Variants in PHLDB1 observed in about 807,000 individuals in gnomAD.
PHLDB1 encodes the protein pleckstrin homology like domain family B member 1.
PHLDB1 carries 65 observed loss-of-function variants against 139.3 expected under a neutral mutation model. The ratio of observed to expected loss-of-function variants is 0.47; its 90% CI spans 0.38 to 0.57. PHLDB1 has a LOEUF of 0.57. Ranked by LOEUF, PHLDB1 falls within the 20% of genes least tolerant of loss-of-function variation. PHLDB1 has a pLI of 0.00. For missense variants in PHLDB1, 1,624 were observed against 1,839.7 expected (o/e 0.88, Z 2.14); for synonymous variants, 679 against 734.5 (o/e 0.92, Z 1.22).
In PHLDB1 at chr11:118,644,105, C is replaced by A. The variant is rs1480275342; in HGVS notation, c.3052C>A (p.Leu1018Ile). 8.7e-6 allele frequency: 14 copies of A among 1,613,872 alleles called. No homozygotes were observed. Among genetic ancestry groups the A allele is most frequent in the Non-Finnish European group, 1.2e-5 (14 of 1,179,974 alleles). The stretch of plus-strand genomic sequence containing the variant: ...ACTCACCCAGAATGGCACGGGCAGC[C>A]TTCCTCGCAACCTGGCAGCCACACT... The part of the protein sequence containing the change: ...ALLTQNGTGS[L>I]PRNLAATLQD... Residue 1018 changes from leucine (L) to isoleucine (I), a missense_variant, in exon 15 of 23, where the codon CTT (leucine) becomes ATT (isoleucine). Transcript: ENST00000600882.
chr11:118,618,920 G>C (rs949523807), intron 4 of PHLDB1, among the ~76,000 whole-genome samples: 1 of 151,878 alleles, frequency 6.6e-6, no homozygotes, highest in Non-Finnish European at 1.5e-5. Flanking sequence ...CCAGGGGAAA[G>C]GGGAGGCAGG....
chr11:118,655,504 C>G (rs1300027478), intron 20 of PHLDB1, 101 bp from the exon 21 acceptor site: 2 of 743,100 alleles, frequency 2.7e-6, no homozygotes, highest in African/African-American at 3.4e-5. Flanking sequence ...GATCTTCACC[C>G]CATTTCCCAG....
chr11:118,644,234 G>T, intron 15 of PHLDB1, 60 bp downstream of exon 15: 2 of 1,153,510 alleles, frequency 1.7e-6, no homozygotes, highest in Non-Finnish European at 2.6e-6. Flanking sequence ...TAGTTGCCAT[G>T]CCTCCTCTAT....
intron 4 of PHLDB1, among the ~76,000 whole-genome samples, chr11:118,619,467 C>T (rs1337377981): frequency 6.6e-6 from 1 of 152,140 alleles, no homozygotes; most frequent in Non-Finnish European, 1.5e-5. Flanking sequence ...AGCCTTCAAC[C>T]TTTTTCTGTT....
intron 18 of PHLDB1, among the ~76,000 whole-genome samples, chr11:118,648,955 G>A (rs1234411325): frequency 1.3e-5 from 2 of 152,124 alleles, no homozygotes; most frequent in Non-Finnish European, 2.9e-5. Flanking sequence ...TAAATCCTAA[G>A]GGATAGGTCA....
In PHLDB1 at chr11:118,632,923, T is replaced by A. The variant is rs535877167; in HGVS notation, c.2379+627T>A. On this transcript the variant is annotated intron_variant, in intron 9 of 22. Coordinates refer to ENST00000600882, the MANE Select transcript of PHLDB1 (RefSeq NM_001144758.3). The surrounding 1 kb of genome is among the most constrained non-coding windows in gnomAD (Gnocchi z 5.9). Reference sequence around the variant, plus strand: ...ACAGTATTTTTCCAATAATTTAATTTTCCTTCTGGATTTTTTGAGTTTCTT... The same window carrying A: ...ACAGTATTTTTCCAATAATTTAATTATCCTTCTGGATTTTTTGAGTTTCTT... The A allele has an allele frequency of 4.3e-4, 344 of 798,002 alleles. No individual in the cohort carries two copies. The African/African-American group carries it at 6.2e-3, about 14-fold the overall frequency. 49.4% of individuals were successfully genotyped at this position (798,002 alleles called of 1,614,324 possible). A position where few individuals can be genotyped will look rare whatever the true frequency, so the allele number is the denominator to read the frequency against.
chr11:118,651,405 C>A, intron 20 of PHLDB1: 1 of 149,280 alleles, frequency 6.7e-6, no homozygotes, highest in Admixed American at 6.7e-5. Flanking sequence ...ACGAGAATTG[C>A]TTGAACCCAA....
At chr11:118,618,211 C>T (rs1555091373) in intron 4 of PHLDB1, among the ~76,000 whole-genome samples, 1 of 152,160 alleles carries the variant, frequency 6.6e-6, no homozygotes, top group African/African-American at 2.4e-5. Flanking sequence ...TTTCCCTCCC[C>T]AACCCCCATA....
chr11:118,610,643 C>A lies in PHLDB1; in HGVS notation c.-22+2944C>A, dbSNP rs1264207196. ...CTCTCGTCCTGGGACTCCGTGGGAG[C>A]CCGGGAGCTGTGTCAGTGCCCGTTG... On this transcript the variant is annotated intron_variant, in intron 1 of 22. Transcript: ENST00000600882. This position sits in a 1 kb window ranked among gnomAD's most constrained non-coding sequence, Gnocchi z 8.7. 5 of 210,448 alleles carry A rather than the reference C, an allele frequency of 2.4e-5. No individual in the cohort carries two copies. Among genetic ancestry groups the A allele is most frequent in the Non-Finnish European group, 4.1e-5 (5 of 121,134 alleles). 13.0% of individuals were successfully genotyped at this position (210,448 alleles called of 1,614,324 possible). A position where few individuals can be genotyped will look rare whatever the true frequency, so the allele number is the denominator to read the frequency against.
chr11:118,635,304 C>T, intron 9 of PHLDB1, 89 bp from the exon 10 acceptor site: 1 of 1,418,240 alleles, frequency 7.1e-7, no homozygotes, highest in Non-Finnish European at 9.5e-7. Context: ...GGTCCAGCCC[C>T]ATACAACGCA....
chr11:118,615,982 C>A, intron 3 of PHLDB1, 59 bp from the exon 4 acceptor site: 2 of 1,434,556 alleles, frequency 1.4e-6, no homozygotes, highest in South Asian at 2.5e-5. Flanking sequence ...CCTCCTTGCC[C>A]TGTCACTGCC....
chr11:118,623,248 C>T (rs1943172253), intron 4 of PHLDB1, among the ~76,000 whole-genome samples: 1 of 151,988 alleles, frequency 6.6e-6, no homozygotes, highest in Non-Finnish European at 1.5e-5. Flanking sequence ...GGCCGGGGGC[C>T]AGGGGTGTGG....
At position 118,650,275 on chromosome 11, in the gene PHLDB1, T is replaced by A; in HGVS notation, c.3771+82T>A. On this transcript the variant is annotated intron_variant, in intron 19 of 22. Transcript: ENST00000600882. The surrounding 1 kb of genome is among the most constrained non-coding windows in gnomAD (Gnocchi z 4.7). ...GGCACCTCCTGGGTCGTTGGAATAG[T>A]GGCGTCAGTCTCTACCCTCACCTAA... 1 of 1,134,426 alleles carries A rather than the reference T, an allele frequency of 8.8e-7. No individual in the cohort carries two copies. Among genetic ancestry groups the A allele is most frequent in the Non-Finnish European group, 1.3e-6 (1 of 744,228 alleles). The allele number at this position is 1,134,426 out of a possible 1,614,324, so 70.3% of individuals were successfully genotyped here.
Position 118,632,161 on chromosome 11 carries a change from C to T in PHLDB1, c.2244C>T (p.Ala748=), listed in dbSNP as rs782144273. 51 of 1,613,846 alleles carry T rather than the reference C, an allele frequency of 3.2e-5. No homozygotes were observed. The highest frequency in any genetic ancestry group is 1.0e-4 in the Admixed American group (6 of 60,006). The change falls in exon 9 of 23, where the codon GCC becomes GCT. Residue 748 remains alanine, a splice_region_variant and synonymous_variant. Transcript: ENST00000600882. This position sits in a 1 kb window ranked among gnomAD's most constrained non-coding sequence, Gnocchi z 5.9. ...EQQLQESARE[A]EMERALLQGE... ...GGGACCCTGGTGTCTGCCCCCAGGC[C>T]GAAATGGAGCGGGCACTGCTGCAGG...
intron 4 of PHLDB1, among the ~76,000 whole-genome samples, chr11:118,617,424 C>T (rs1941864928): frequency 6.6e-6 from 1 of 152,094 alleles, no homozygotes; most frequent in South Asian, 2.1e-4. Context: ...TAAGGCCTTT[C>T]AATGTCACTT....
Position 118,645,485 on chromosome 11 carries a change from C to A in PHLDB1, c.3251C>A (p.Pro1084His). The A allele has an allele frequency of 6.2e-7, 1 of 1,611,986 alleles. No homozygotes were observed. The highest frequency in any genetic ancestry group is 8.5e-7 in the Non-Finnish European group (1 of 1,179,006). ...TTCCCAGCGGGCCCCTCGGGCTTCC[C>A]CCCTCTCATGCACCACTCTATCCTA... ...APFPAGPSGF[P>H]PLMHHSILHH... Residue 1084 changes from proline to histidine, a missense_variant, in exon 16 of 23, where the codon CCC becomes CAC. Transcript: ENST00000600882. The surrounding 1 kb of genome is among the most constrained non-coding windows in gnomAD (Gnocchi z 5.1).
At position 118,618,440 on chromosome 11, in the gene PHLDB1, G is replaced by A. The variant is rs184348237; in HGVS notation, c.355+2229G>A. 1.7e-3 allele frequency among the ~76,000 whole-genome samples: 259 copies of A among 152,252 alleles called. 1 individual carries two copies. Among genetic ancestry groups the A allele is most frequent in the East Asian group, 1.7e-3 (9 of 5,172 alleles). Reference sequence around the variant, plus strand: ...GGGAGTGTGTTTCCCTGGAAACTGGGTGGCTCGGGGGTGCATGTGCTATCT... The same window carrying A: ...GGGAGTGTGTTTCCCTGGAAACTGGATGGCTCGGGGGTGCATGTGCTATCT... On this transcript the variant is annotated intron_variant, in intron 4 of 22. Coordinates refer to ENST00000600882, the MANE Select transcript of PHLDB1 (RefSeq NM_001144758.3).
intron 20 of PHLDB1, chr11:118,653,268 T>C (rs573306041): frequency 3.3e-5 from 5 of 152,310 alleles, no homozygotes; most frequent in African/African-American, 4.8e-5. Flanking sequence ...ATAAGGGCCA[T>C]GGGTGCCTTG....
intron 12 of PHLDB1, chr11:118,639,880 A>G (rs2136499190): frequency 1.0e-6 from 1 of 986,726 alleles, no homozygotes; most frequent in South Asian, 4.7e-5. Context: ...CTCATCTCCG[A>G]GTCCTCAGAG....
Sources: gnomAD v4.1 joint callset for allele counts (sites outside exome capture counted in the v4.1 genomes callset) on GRCh38, gnomAD v4.1.1 for gene constraint, Gnocchi (gnomAD v3.1) non-coding constraint, MANE v1.5 for transcripts, NCBI Gene and HGNC (gene_info 2026-07-23, HGNC 2026-07-21) for gene names.